TENM3: variants seen among roughly 807,000 people sequenced by gnomAD.
TENM3 encodes the protein teneurin-3.
Under a neutral mutation model 255.1 loss-of-function variants are expected in TENM3, and 63 were observed. The observed-to-expected ratio is 0.25, with a 90% confidence interval of 0.20 to 0.30. The LOEUF (loss-of-function observed/expected upper bound fraction) is 0.30, where lower values mean the gene tolerates loss of function less well. TENM3 is among the 10% of genes least tolerant of loss of function. The probability of loss-of-function intolerance (pLI) is 1.00; values close to 1 mark genes in which losing one functional copy is unlikely to be tolerated. For missense variants in TENM3, 2,929 were observed against 3,461.1 expected (o/e 0.85, Z 3.86); for synonymous variants, 1,306 against 1,322.3 (o/e 0.99, Z 0.27).
At chr4:182,558,636 A>G (rs1742812594) in intron 3 of TENM3, among the ~76,000 whole-genome samples, 1 of 152,186 alleles carries the variant, frequency 6.6e-6, no homozygotes, top group African/African-American at 2.4e-5. Flanking sequence ...AATCTCATCA[A>G]TGCAACAAAA....
the TENM3 span, among the ~76,000 whole-genome samples, chr4:181,485,604 A>G: frequency 2.0e-5 from 3 of 152,184 alleles, no homozygotes; most frequent in Non-Finnish European, 2.9e-5. Context: ...ATATTTTCCA[A>G]TACTAAAGTA....
chr4:182,151,597 A>C (rs1418356581), intron 1 of TENM3, among the ~76,000 whole-genome samples: 1 of 152,068 alleles, frequency 6.6e-6, no homozygotes, highest in Non-Finnish European at 1.5e-5. Flanking sequence ...AATAACTTCC[A>C]GCTAAAGAAA....
chr4:181,793,506 T>G, the TENM3 span, among the ~76,000 whole-genome samples: 1 of 152,180 alleles, frequency 6.6e-6, no homozygotes, highest in Non-Finnish European at 1.5e-5. Flanking sequence ...TCTAAATGTC[T>G]CTTCCTGATA....
intron 2 of TENM3, among the ~76,000 whole-genome samples, chr4:182,336,774 A>G (rs767560504): frequency 1.2e-4 from 18 of 151,828 alleles, no homozygotes; most frequent in East Asian, 5.8e-4. Context: ...AAAGTCCCCA[A>G]TGCTGAAGGA....
At chr4:181,619,101 C>T in the TENM3 span, among the ~76,000 whole-genome samples, 1 of 152,092 alleles carries the variant, frequency 6.6e-6, no homozygotes, top group South Asian at 2.1e-4. Flanking sequence ...AGTAGGGATG[C>T]GCATTACCCA....
intron 3 of TENM3, among the ~76,000 whole-genome samples, chr4:182,365,964 A>G (rs1176164608): frequency 6.6e-6 from 1 of 152,218 alleles, no homozygotes; most frequent in Non-Finnish European, 1.5e-5. Flanking sequence ...TAGAAAAGAT[A>G]CAATAAAAGC....
At chr4:182,411,726 T>C (rs1431291758) in intron 3 of TENM3, among the ~76,000 whole-genome samples, 1 of 152,174 alleles carries the variant, frequency 6.6e-6, no homozygotes, top group Non-Finnish European at 1.5e-5. Context: ...GTACTATGCG[T>C]TATTTTGACA....
intron 26 of TENM3, among the ~76,000 whole-genome samples, chr4:182,794,436 G>A (rs1430974107): frequency 6.6e-6 from 1 of 152,082 alleles, no homozygotes; most frequent in African/African-American, 2.4e-5. Flanking sequence ...ACAATACAAG[G>A]TGACACCATT....
intron 22 of TENM3, among the ~76,000 whole-genome samples, chr4:182,770,628 G>A (rs1764125474): frequency 6.6e-6 from 1 of 151,890 alleles, no homozygotes; most frequent in South Asian, 2.1e-4. Context: ...CCACCTGGGT[G>A]CAGCTCTTCC....
At chr4:182,102,138 G>A in the TENM3 span, among the ~76,000 whole-genome samples, 2 of 152,204 alleles carry the variant, frequency 1.3e-5, no homozygotes, top group African/African-American at 4.8e-5. Context: ...ACACTGCTGA[G>A]GCCTGTGTAG....
intron 7 of TENM3, 146 bp from the exon 8 acceptor site, chr4:182,679,520 G>A (rs1755942990): frequency 3.1e-6 from 2 of 645,472 alleles, no homozygotes; most frequent in Non-Finnish European, 5.3e-6. Flanking sequence ...CTATGCATGG[G>A]AGACTTCTAC....
intron 3 of TENM3, among the ~76,000 whole-genome samples, chr4:182,492,922 G>A (rs920169347): frequency 2.0e-5 from 3 of 150,566 alleles, no homozygotes; most frequent in African/African-American, 7.3e-5. Context: ...AAGCCAAATT[G>A]TCAGCAAAGG....
At chr4:181,858,985 A>C in the TENM3 span, among the ~76,000 whole-genome samples, 3 of 152,132 alleles carry the variant, frequency 2.0e-5, no homozygotes, top group Non-Finnish European at 4.4e-5. Flanking sequence ...CCAGACAGGC[A>C]GGAGAGGAGG....
chr4:181,831,131 T>G, the TENM3 span, among the ~76,000 whole-genome samples: 2 of 152,220 alleles, frequency 1.3e-5, no homozygotes, highest in Admixed American at 1.3e-4. Context: ...TTTTTCATTT[T>G]GTATATTGTT....
At chr4:181,595,076 T>C in the TENM3 span, among the ~76,000 whole-genome samples, 13,605 of 152,180 alleles carry the variant, frequency 0.089, 736 homozygotes, top group Middle Eastern at 0.14. Flanking sequence ...TCTCCCTGGC[T>C]TCCTCTGCCC....
At chr4:182,263,667 T>G (rs1401068773) in intron 1 of TENM3, among the ~76,000 whole-genome samples, 1 of 152,152 alleles carries the variant, frequency 6.6e-6, no homozygotes, top group Non-Finnish European at 1.5e-5. Context: ...GGTCTTCCTC[T>G]GGCCTCCCTG....
chr4:181,471,060 C>G, the TENM3 span, among the ~76,000 whole-genome samples: 2 of 152,042 alleles, frequency 1.3e-5, no homozygotes, highest in African/African-American at 4.8e-5. Flanking sequence ...TTAAACAGAA[C>G]CAATGAATAT....
At chr4:181,678,916 TATG>T in the TENM3 span, among the ~76,000 whole-genome samples, 1 of 151,586 alleles carries the variant, frequency 6.6e-6, no homozygotes, top group Non-Finnish European at 1.5e-5. Flanking sequence ...ATAACAGCGA[TATG>T]ATGATAATAC....
chr4:182,425,381 T>C (rs914854890), intron 3 of TENM3, among the ~76,000 whole-genome samples: 1 of 152,226 alleles, frequency 6.6e-6, no homozygotes, highest in Non-Finnish European at 1.5e-5. Flanking sequence ...CTAACTCATA[T>C]TAACCTCCTC....
Sources: gnomAD v4.1 joint callset for allele counts (sites outside exome capture counted in the v4.1 genomes callset) on GRCh38, gnomAD v4.1.1 for gene constraint, MANE v1.5 for transcripts, NCBI Gene and HGNC (gene_info 2026-07-23, HGNC 2026-07-21) for gene names.